Variants in NLRC3 observed in about 807,000 individuals in gnomAD.
NLRC3 encodes the protein NLR family CARD domain-containing protein 3.
A neutral mutation model predicts 91.6 loss-of-function variants in NLRC3; 87 were observed. The observed-to-expected ratio is 0.95, with a 90% CI of 0.80 to 1.14. The LOEUF is 1.14. Among genes scored for constraint, NLRC3 ranks in the 50% most tolerant of loss-of-function variants. The probability of loss-of-function intolerance (pLI) is 0.00; values close to 1 mark genes in which losing one functional copy is unlikely to be tolerated. For synonymous variants in NLRC3, 694 were observed against 625.3 expected, an observed-to-expected ratio of 1.11 and a Z score of -1.64; for missense variants, 1,577 against 1,418.6, an observed-to-expected ratio of 1.11 and a Z score of -1.79.
intron 15 of NLRC3, among the ~76,000 whole-genome samples, chr16:3,546,753 T>G (rs974669285): frequency 1.3e-5 from 2 of 151,798 alleles, no homozygotes; most frequent in Admixed American, 1.3e-4. Flanking sequence ...GGTCTAGGGT[T>G]GAGGAGAGAG....
rs142516226 is a variant in NLRC3 at position 3,566,797 on chromosome 16, A to G, written c.-87+446T>C. ...TCCCAGCTACTCAGGAGGCTGAGGC[A>G]GGACAATCACTTGAACCTGGAAGGT... On this transcript the variant is annotated intron_variant, in intron 2 of 19. Coordinates refer to ENST00000359128, the MANE Select transcript of NLRC3 (RefSeq NM_178844.4). 8.8e-3 allele frequency among the ~76,000 whole-genome samples: 1,339 copies of G among 152,118 alleles called. 22 individuals carry two copies. Among genetic ancestry groups the G allele is most frequent in the African/African-American group, 0.031 (1,281 of 41,504 alleles).
chr16:3,571,579 G>A (rs1034965104), intron 1 of NLRC3, among the ~76,000 whole-genome samples: 1 of 149,920 alleles, frequency 6.7e-6, no homozygotes, highest in Non-Finnish European at 1.5e-5. Flanking sequence ...TCATGAAGAG[G>A]GAGACTAGTA....
chr16:3,557,497 C>T, intron 7 of NLRC3, 96 bp downstream of exon 7: 1 of 722,332 alleles, frequency 1.4e-6, no homozygotes, highest in Non-Finnish European at 2.4e-6. Flanking sequence ...CAGGTAAGAC[C>T]CAAGTCATTT....
intron 6 of NLRC3, among the ~76,000 whole-genome samples, chr16:3,561,018 A>T (rs118131114): frequency 0.05 from 7,621 of 152,194 alleles, 243 homozygotes; most frequent in Admixed American, 0.07. Flanking sequence ...TTTGAAATTA[A>T]ATTTTAATTA....
rs1287100245 is a variant in NLRC3, at chr16:3,564,404, G to C, written c.533C>G (p.Thr178Ser). Residue 178 changes from threonine to serine, a missense_variant, in exon 5 of 20, where the codon ACC becomes AGC. Transcript: ENST00000359128. This position sits in a 1 kb window ranked among gnomAD's most constrained non-coding sequence, Gnocchi z 5.9. ...CTCGTGGGTGTTGAGATCCCGGAAG[G>C]TCAGAGGCAGCACCAGCGAGAAGTC... is the stretch of plus-strand genomic sequence containing the variant. The part of the protein sequence containing the change: ...GKDFSLVLPL[T>S]FRDLNTHEKL... 3 of 1,612,674 alleles carry C rather than the reference G, an allele frequency of 1.9e-6. No individual in the cohort carries two copies. The Admixed American group carries it at 5.0e-5, about 27-fold the overall frequency.
At position 3,549,301 on chromosome 16, in the gene NLRC3, G is replaced by C. The variant is rs151073108; in HGVS notation, c.2520-76C>G. ...GGCAAAGCCAAGCCCAGGTGTTTAGGCTTCTTGAAGCCCAAGAAACTGCAG... is the reference window on the plus strand; with the variant it reads ...GGCAAAGCCAAGCCCAGGTGTTTAGCCTTCTTGAAGCCCAAGAAACTGCAG... On this transcript the variant is annotated intron_variant, in intron 12 of 19. Transcript: ENST00000359128. The C allele has an allele frequency of 1.8e-3, 1,914 of 1,065,874 alleles. 3 individuals carry two copies. The highest frequency in any genetic ancestry group is 2.4e-3 in the Non-Finnish European group (1,703 of 706,204). The allele number at this position is 1,065,874 out of a possible 1,614,324, so 66.0% of individuals were successfully genotyped here. A position where few individuals can be genotyped will look rare whatever the true frequency, so the allele number is the denominator to read the frequency against.
At chr16:3,551,814 C>CCCAT (rs766775627) in intron 10 of NLRC3, among the ~76,000 whole-genome samples, 20 of 149,134 alleles carry the variant, frequency 1.3e-4, no homozygotes, top group Admixed American at 2.7e-4. Flanking sequence ...CATTCATTCA[C>CCCAT]CCATCCATCC....
rs748537187 is a variant in NLRC3, at chr16:3,544,338, A to G, written c.2772-9T>C. ...TGGCGTTCTCCTGTAAACTAGACAC[A>G]GAGTATGACCCCTTTGGGTGCACGG... On this transcript the variant is annotated splice_polypyrimidine_tract_variant and intron_variant, in intron 15 of 19. Transcript: ENST00000359128. The G allele has an allele frequency of 4.0e-5, 64 of 1,604,944 alleles. No individual in the cohort carries two copies. Among genetic ancestry groups the G allele is most frequent in the Non-Finnish European group, 5.0e-5 (59 of 1,171,986 alleles).
Position 3,541,699 on chromosome 16 carries a change from A to G in NLRC3, c.*126T>C. 1.5e-6 allele frequency: 1 copy of G among 670,494 alleles called. No homozygotes were observed. The highest frequency in any genetic ancestry group is 2.7e-5 in the East Asian group (1 of 36,818). The allele number at this position is 670,494 out of a possible 1,614,324, so 41.5% of individuals were successfully genotyped here. On this transcript the variant is annotated 3_prime_UTR_variant, in exon 20 of 20. Coordinates refer to ENST00000359128, the MANE Select transcript of NLRC3 (RefSeq NM_178844.4). ...GGCAGCACCTCTCCTTCCTCCCTGC[A>G]GAGCCCGGCTCTCGTGCTGAGCAAG...
chr16:3,543,395 A>T (rs768391643), intron 17 of NLRC3, 30 bp downstream of exon 17: 1 of 1,492,532 alleles, frequency 6.7e-7, no homozygotes, highest in South Asian at 1.2e-5. Flanking sequence ...CTTTGGGCTA[A>T]AGACCATAGA....
chr16:3,542,352 G>T, intron 18 of NLRC3, 78 bp from the exon 19 acceptor site: 1 of 889,176 alleles, frequency 1.1e-6, no homozygotes, highest in Non-Finnish European at 1.8e-6. Flanking sequence ...ACAGTGCATT[G>T]TCTGGGGGCA....
intron 10 of NLRC3, 60 bp from the exon 11 acceptor site, chr16:3,550,557 G>T: frequency 2.4e-6 from 3 of 1,255,700 alleles, no homozygotes; most frequent in Non-Finnish European, 3.5e-6. Context: ...GGGCTGGGCA[G>T]AGGGATCAGA....
intron 1 of NLRC3, among the ~76,000 whole-genome samples, chr16:3,575,975 A>G (rs1346691883): frequency 1.3e-5 from 2 of 152,034 alleles, no homozygotes; most frequent in African/African-American, 4.8e-5. Flanking sequence ...CTTGAGCTCA[A>G]AAGCCTTCCC....
chr16:3,570,522 G>T (rs954775278), intron 1 of NLRC3, among the ~76,000 whole-genome samples: 8 of 152,158 alleles, frequency 5.3e-5, no homozygotes, highest in Non-Finnish European at 7.3e-5. Flanking sequence ...GTTTCTGCTG[G>T]TGGTTAGTGC....
At chr16:3,576,732 G>A (rs779207209) in intron 1 of NLRC3, among the ~76,000 whole-genome samples, 9 of 152,034 alleles carry the variant, frequency 5.9e-5, no homozygotes, top group Non-Finnish European at 1.0e-4. Context: ...GCTCGATCTC[G>A]GCTCACTGCA....
At position 3,563,995 on chromosome 16, in the gene NLRC3, G is replaced by T. The variant is rs1456179534; in HGVS notation, c.942C>A (p.Ser314Arg). Residue 314 changes from serine (S) to arginine (R), a missense_variant, in exon 5 of 20, where the codon AGC becomes AGA. Ser to Arg is a moderately radical substitution (Grantham distance 110). Coordinates refer to ENST00000359128, the MANE Select transcript of NLRC3 (RefSeq NM_178844.4). ...EDQALLGWML[S>R]QVQADRALYL... ...ACAGGGCCCTGTCAGCCTGCACTTGGCTCAGCATCCAGCCCAGAAGGGCCT... is the reference window on the plus strand; with the variant it reads ...ACAGGGCCCTGTCAGCCTGCACTTGTCTCAGCATCCAGCCCAGAAGGGCCT... 2 of 1,607,464 alleles carry T rather than the reference G, an allele frequency of 1.2e-6. No homozygotes were observed. Among genetic ancestry groups the T allele is most frequent in the East Asian group, 2.2e-5 (1 of 44,862 alleles).
rs749961930 is a variant in NLRC3 at position 3,549,797 on chromosome 16, C to T, written c.2436-17G>A. 135 of 1,542,768 alleles carry T rather than the reference C, an allele frequency of 8.8e-5. No individual in the cohort carries two copies. Among genetic ancestry groups the T allele is most frequent in the South Asian group, 1.4e-4 (12 of 83,892 alleles). On this transcript the variant is annotated splice_polypyrimidine_tract_variant and intron_variant, in intron 11 of 19. Transcript: ENST00000359128. ...CTCTGCAGGCTGCGGAAAGAGGAGG[C>T]GCCCTGGGTGTGGCTGTCCCAGGAC...
At chr16:3,544,890 C>T (rs2038611822) in intron 15 of NLRC3, 1 of 153,560 alleles carries the variant, frequency 6.5e-6, no homozygotes, top group Admixed American at 6.5e-5. Context: ...GATGGGGTCT[C>T]ACTATGTTGC....
rs544640070 is a variant in NLRC3 at position 3,577,341 on chromosome 16, G to A, written c.-361C>T. 3.1e-5 allele frequency: 20 copies of A among 639,568 alleles called. No individual in the cohort carries two copies. Among genetic ancestry groups the A allele is most frequent in the South Asian group, 2.1e-4 (12 of 56,716 alleles). The allele number at this position is 639,568 out of a possible 1,614,324, so 39.6% of individuals were successfully genotyped here. A position where few individuals can be genotyped will look rare whatever the true frequency, so the allele number is the denominator to read the frequency against. On this transcript the variant is annotated 5_prime_UTR_variant, in exon 1 of 20. Coordinates refer to ENST00000359128, the MANE Select transcript of NLRC3 (RefSeq NM_178844.4). ...CCAACCAACCAACCGTGTGGGGGCC[G>A]AGAGCAGTGCAGCCCCGACCTTCTG... is the stretch of plus-strand genomic sequence containing the variant.
Sources: gnomAD v4.1 joint callset for allele counts (sites outside exome capture counted in the v4.1 genomes callset) on GRCh38, gnomAD v4.1.1 for gene constraint, Gnocchi (gnomAD v3.1) non-coding constraint, MANE v1.5 for transcripts, NCBI Gene and HGNC (gene_info 2026-07-23, HGNC 2026-07-21) for gene names.